The following MLIP variants were observed in gnomAD, a reference collection of about 807,000 sequenced individuals.
MLIP encodes muscular LMNA-interacting protein.
MLIP carries 79 observed loss-of-function variants against 84.8 expected under a neutral mutation model. The ratio of observed to expected loss-of-function variants is 0.93; its 90% CI spans 0.78 to 1.12. The LOEUF is 1.12. Among genes scored for constraint, MLIP ranks in the 50% most tolerant of loss-of-function variants. The probability of loss-of-function intolerance (pLI) is 0.00; values close to 1 mark genes in which losing one functional copy is unlikely to be tolerated. For missense variants in MLIP, 1,257 were observed against 1,160.6 expected (o/e 1.08, Z -1.21); for synonymous variants, 504 against 463.0 (o/e 1.09, Z -1.14).
At chr6:54,069,068 C>T (rs73741425) in intron 1 of MLIP, among the ~76,000 whole-genome samples, 8,383 of 101,282 alleles carry the variant, frequency 0.083, 1,674 homozygotes, top group African/African-American at 0.19. Context: ...GCTGATTGTC[C>T]TGACTGGTAT....
At chr6:54,222,065 T>G (rs1292760543) in intron 11 of MLIP, among the ~76,000 whole-genome samples, 6 of 152,162 alleles carry the variant, frequency 3.9e-5, no homozygotes, top group African/African-American at 1.4e-4. Flanking sequence ...CTAACTTTAT[T>G]GAGGTATAAT....
intron 12 of MLIP, among the ~76,000 whole-genome samples, chr6:54,244,017 T>C (rs1257838189): frequency 1.3e-5 from 2 of 152,186 alleles, no homozygotes; most frequent in Non-Finnish European, 2.9e-5. Context: ...CAAAGGTTAG[T>C]GGCTAACAGA....
intron 12 of MLIP, among the ~76,000 whole-genome samples, chr6:54,241,101 C>A (rs1269179503): frequency 6.6e-6 from 1 of 151,544 alleles, no homozygotes; most frequent in East Asian, 1.9e-4. Flanking sequence ...TATGCTTCCC[C>A]TGTAATAACA....
intron 3 of MLIP, among the ~76,000 whole-genome samples, chr6:54,135,713 T>C (rs146034741): frequency 6.6e-6 from 1 of 152,270 alleles, no homozygotes; most frequent in Admixed American, 6.5e-5. Context: ...TTATTTCTTT[T>C]ATATATTGAC....
chr6:54,216,753 C>T, intron 11 of MLIP: 2 of 985,332 alleles, frequency 2.0e-6, no homozygotes. Context: ...TATGGATTCT[C>T]CAAAATTTGG....
At chr6:54,196,910 G>T (rs1255155415) in intron 10 of MLIP, among the ~76,000 whole-genome samples, 3 of 152,032 alleles carry the variant, frequency 2.0e-5, no homozygotes, top group Non-Finnish European at 4.4e-5. Flanking sequence ...ATTTTATATG[G>T]CTCATTAAAA....
chr6:54,106,016 A>G (rs969536282), intron 1 of MLIP, among the ~76,000 whole-genome samples: 1 of 152,172 alleles, frequency 6.6e-6, no homozygotes, highest in Admixed American at 6.6e-5. Flanking sequence ...TATGGAAGAT[A>G]TGCAGATTGG....
chr6:54,172,175 T>C (rs1434708929), intron 9 of MLIP, among the ~76,000 whole-genome samples: 2 of 151,718 alleles, frequency 1.3e-5, no homozygotes, highest in Admixed American at 1.3e-4. Context: ...AAAAGTATAA[T>C]GTATCTGATT....
At chr6:54,224,653 G>T (rs967772001) in intron 11 of MLIP, among the ~76,000 whole-genome samples, 15 of 152,036 alleles carry the variant, frequency 9.9e-5, no homozygotes, top group African/African-American at 3.6e-4. Flanking sequence ...TTCTTTAGTG[G>T]TGATTTGTGA....
rs9367554 is a variant in MLIP at position 54,234,311 on chromosome 6, A to G, written c.2922+3394A>G. Among the ~76,000 whole-genome samples, 192 of 152,266 alleles carry G rather than the reference A, an allele frequency of 1.3e-3. 2 individuals are homozygous for G. In the East Asian group the frequency reaches 0.028, roughly 22 times the overall value. ...GAATAATAATAGTACCTACCTTATT[A>G]GAGTATTATGAAAATAAAATTTACG... On this transcript the variant is annotated intron_variant, in intron 12 of 13. Transcript: ENST00000502396.
intron 9 of MLIP, 98 bp from the exon 10 acceptor site, chr6:54,189,772 G>A: frequency 1.2e-6 from 1 of 856,922 alleles, no homozygotes; most frequent in Non-Finnish European, 1.9e-6. Context: ...ATCCTATCAT[G>A]GACATATAAT....
chr6:54,236,501 C>G (rs570194700), intron 12 of MLIP, among the ~76,000 whole-genome samples: 1 of 152,144 alleles, frequency 6.6e-6, no homozygotes. Context: ...ACTCAAGAGG[C>G]TGAGGCAGGA....
At chr6:54,261,522 G>A in intron 13 of MLIP, 1 of 948,216 alleles carries the variant, frequency 1.1e-6, no homozygotes, top group Non-Finnish European at 1.3e-6. Context: ...GCAGATTTTT[G>A]ATAAACATTT....
At chr6:54,249,710 A>AAC (rs147266668) in intron 12 of MLIP, among the ~76,000 whole-genome samples, 4,876 of 147,048 alleles carry the variant, frequency 0.033, 214 homozygotes, top group African/African-American at 0.11. Flanking sequence ...GGAAATGAGG[A>AAC]ACACACACAC....
intron 12 of MLIP, among the ~76,000 whole-genome samples, chr6:54,242,531 A>G (rs1027359807): frequency 1.3e-5 from 2 of 152,124 alleles, no homozygotes; most frequent in African/African-American, 2.4e-5. Flanking sequence ...TTTTTGCCAG[A>G]GGTTTCTTCT....
chr6:54,230,770 C>G lies in MLIP; in HGVS notation c.2775C>G (p.Leu925=). 2 of 1,614,172 alleles carry G rather than the reference C, an allele frequency of 1.2e-6. No individual in the cohort carries two copies. The highest frequency in any genetic ancestry group is 8.5e-7 in the Non-Finnish European group (1 of 1,180,006). Residue 925 remains leucine, a synonymous_variant, in exon 12 of 14, where the codon CTC becomes CTG. Coordinates refer to ENST00000502396, the MANE Select transcript of MLIP (RefSeq NM_001281747.2). The part of the protein sequence containing the change: ...VSLHPLYQTK[L]YPPAKSLLHP... Reference sequence around the variant, plus strand: ...TCCATCCTTTATATCAGACTAAACTCTATCCTCCTGCTAAGTCACTGCTGC... The same window carrying G: ...TCCATCCTTTATATCAGACTAAACTGTATCCTCCTGCTAAGTCACTGCTGC...
chr6:54,131,308 C>T (rs1582224372), intron 3 of MLIP, among the ~76,000 whole-genome samples: 1 of 152,268 alleles, frequency 6.6e-6, no homozygotes, highest in East Asian at 1.9e-4. Context: ...GGCAGCTTGC[C>T]TCTTAAAGCC....
chr6:54,215,215 C>A (rs961396680), intron 11 of MLIP: 43 of 1,533,038 alleles, frequency 2.8e-5, no homozygotes, highest in Non-Finnish European at 3.8e-5. Flanking sequence ...ATTGAGGAAC[C>A]CTATCCTTGT....
chr6:54,059,372 A>T (rs7750294), intron 1 of MLIP, among the ~76,000 whole-genome samples: 9,846 of 152,266 alleles, frequency 0.065, 347 homozygotes, highest in African/African-American at 0.088. Context: ...GGTGACTGGC[A>T]AAACTCAGGC....
Sources: allele counts gnomAD v4.1 joint callset (sites outside exome capture counted in the v4.1 genomes callset), GRCh38; gene constraint gnomAD v4.1.1; transcripts MANE v1.5; gene names NCBI Gene and HGNC (gene_info 2026-07-23, HGNC 2026-07-21).